The following TTC17 variants were observed in gnomAD, a reference collection of about 807,000 sequenced individuals.
TTC17 encodes tetratricopeptide repeat protein 17.
Under a neutral mutation model 143.8 loss-of-function variants are expected in TTC17, and 58 were observed. The observed-to-expected ratio is 0.40, with a 90% CI of 0.33 to 0.50. The LOEUF (loss-of-function observed/expected upper bound fraction) is 0.50, where lower values mean the gene tolerates loss of function less well. Among genes scored for constraint, TTC17 ranks in the 20% least tolerant of loss-of-function variants. The pLI is 0.49. For synonymous variants in TTC17, 501 were observed against 497.8 expected (o/e 1.01, Z -0.09); for missense variants, 1,273 against 1,392.5 (o/e 0.91, Z 1.37).
At chr11:43,435,527 A>C (rs1048323759) in intron 16 of TTC17, 2 of 152,234 alleles carry the variant, frequency 1.3e-5, no homozygotes, top group Non-Finnish European at 2.9e-5. Context: ...TTTGACTCAC[A>C]GGTAAAAGTC....
intron 2 of TTC17, among the ~76,000 whole-genome samples, chr11:43,384,232 C>A (rs181857328): frequency 8.9e-4 from 136 of 151,982 alleles, no homozygotes; most frequent in Admixed American, 1.8e-3. Context: ...GAAAAAGTAT[C>A]TACTATGCAA....
At chr11:43,385,260 C>T (rs1242617515) in intron 2 of TTC17, among the ~76,000 whole-genome samples, 1 of 151,974 alleles carries the variant, frequency 6.6e-6, no homozygotes, top group Admixed American at 6.6e-5. Flanking sequence ...CTAAATTGAA[C>T]GAAGATAACA....
At chr11:43,380,614 C>T (rs552963924) in intron 2 of TTC17, among the ~76,000 whole-genome samples, 3 of 152,226 alleles carry the variant, frequency 2.0e-5, no homozygotes, top group African/African-American at 4.8e-5. Flanking sequence ...GTAAAAGTCC[C>T]GAATTTCATT....
chr11:43,491,992 C>G, intron 22 of TTC17, 28 bp from the exon 23 acceptor site: 1 of 1,609,860 alleles, frequency 6.2e-7, no homozygotes, highest in Non-Finnish European at 8.5e-7. Flanking sequence ...CCAATTTTCC[C>G]TTCTCACCAT....
intron 21 of TTC17, among the ~76,000 whole-genome samples, chr11:43,464,524 A>T (rs1055885581): frequency 3.9e-5 from 6 of 152,182 alleles, no homozygotes; most frequent in Admixed American, 1.3e-4. Flanking sequence ...AGGCGCAATG[A>T]ACAAAATGAA....
chr11:43,488,421 G>A (rs958836679), intron 21 of TTC17, among the ~76,000 whole-genome samples: 2 of 151,470 alleles, frequency 1.3e-5, no homozygotes, highest in Admixed American at 6.6e-5. Context: ...AAAATCCAAA[G>A]TTAGACCTAA....
At chr11:43,418,434 C>T (rs936533124) in intron 16 of TTC17, among the ~76,000 whole-genome samples, 1 of 152,112 alleles carries the variant, frequency 6.6e-6, no homozygotes, top group Non-Finnish European at 1.5e-5. Context: ...GATTAAACAT[C>T]TTGTTTGGGC....
At chr11:43,435,059 C>G (rs978935036) in intron 16 of TTC17, 1 of 149,862 alleles carries the variant, frequency 6.7e-6, no homozygotes, top group East Asian at 2.0e-4. Flanking sequence ...TTTGGTGAAT[C>G]TGTACACACA....
At chr11:43,412,911 G>C (rs547583496) in intron 15 of TTC17, among the ~76,000 whole-genome samples, 3 of 151,440 alleles carry the variant, frequency 2.0e-5, no homozygotes, top group African/African-American at 7.3e-5. Flanking sequence ...CAAACACCTA[G>C]TAATTGCATA....
intron 18 of TTC17, chr11:43,445,891 A>G: frequency 2.2e-6 from 2 of 904,936 alleles, no homozygotes; most frequent in Non-Finnish European, 3.5e-6. Flanking sequence ...CTAAGAACTA[A>G]TAATAATGCT....
rs140466863 is a variant in TTC17 at position 43,421,235 on chromosome 11, A to G, written c.2251+6459A>G. On this transcript the variant is annotated intron_variant, in intron 16 of 23. Coordinates refer to ENST00000039989, the MANE Select transcript of TTC17 (RefSeq NM_018259.6). The stretch of plus-strand genomic sequence containing the variant: ...TGAGGAAGGATAGAGGTTCTAAGCC[A>G]TGCAGATATACAGCATAAAAGCATT... Among the ~76,000 whole-genome samples, 40 of 152,316 alleles carry G rather than the reference A, an allele frequency of 2.6e-4. No homozygotes were observed. In the Middle Eastern group the frequency reaches 0.01, roughly 39 times the overall value.
intron 20 of TTC17, 37 bp downstream of exon 20, chr11:43,450,278 T>A: frequency 6.3e-7 from 1 of 1,593,666 alleles, no homozygotes. Context: ...TTTTTTAGCC[T>A]CACAGTTAGG....
chr11:43,385,094 A>G (rs1857121226), intron 2 of TTC17, among the ~76,000 whole-genome samples: 1 of 152,206 alleles, frequency 6.6e-6, no homozygotes, highest in African/African-American at 2.4e-5. Context: ...TGAAAAGTCA[A>G]CCAGAGGAAG....
In TTC17 at chr11:43,397,420, G is replaced by T; in HGVS notation, c.847G>T (p.Val283Phe). Reference sequence around the variant, plus strand: ...AGCACACTTCTCTGCTGATGCTGCTGTCGTGGTCCATGCAGCTCTGGATGA... The same window carrying T: ...AGCACACTTCTCTGCTGATGCTGCTTTCGTGGTCCATGCAGCTCTGGATGA... ...HRAHFSADAA[V>F]VVHAALDDSD... The change falls in exon 7 of 24, where the codon GTC becomes TTC. Residue 283 changes from valine (V) to phenylalanine (F), a missense_variant. This residue lies in a region of TTC17 where 325 missense variants were observed against 444.2 expected (regional missense o/e 0.73). Transcript: ENST00000039989. 6.2e-7 allele frequency: 1 copy of T among 1,613,532 alleles called. No individual in the cohort carries two copies. The highest frequency in any genetic ancestry group is 8.5e-7 in the Non-Finnish European group (1 of 1,179,978).
intron 16 of TTC17, among the ~76,000 whole-genome samples, chr11:43,442,420 T>G (rs1439548481): frequency 1.3e-5 from 2 of 152,154 alleles, no homozygotes; most frequent in Admixed American, 6.5e-5. Flanking sequence ...AAGGAGACAT[T>G]TTGTTATTTG....
At position 43,407,647 on chromosome 11, in the gene TTC17, A is replaced by C. The variant is rs1858206744; in HGVS notation, c.2064+70A>C. 4.3e-6 allele frequency: 6 copies of C among 1,401,188 alleles called. No individual in the cohort carries two copies. In the South Asian group the frequency reaches 7.7e-5, roughly 18 times the overall value. 86.8% of individuals were successfully genotyped at this position (1,401,188 alleles called of 1,614,324 possible). On this transcript the variant is annotated intron_variant, in intron 15 of 23. Coordinates refer to ENST00000039989, the MANE Select transcript of TTC17 (RefSeq NM_018259.6). ...AACTCAAATTTAGATTACAATTTGT[A>C]TTTTTCTAGGGAAAGCATAAAAAAT...
chr11:43,369,397 C>A (rs1375237024), intron 1 of TTC17, among the ~76,000 whole-genome samples: 1 of 152,072 alleles, frequency 6.6e-6, no homozygotes, highest in Non-Finnish European at 1.5e-5. Context: ...TGTAAATTTA[C>A]AGCTGTAAGG....
chr11:43,372,481 T>TA (rs2134456534), intron 1 of TTC17, among the ~76,000 whole-genome samples: 2 of 144,774 alleles, frequency 1.4e-5, no homozygotes, highest in African/African-American at 5.5e-5. Context: ...TTATTTTTAT[T>TA]TTTTATTTAT....
intron 23 of TTC17, among the ~76,000 whole-genome samples, chr11:43,492,591 TG>T (rs1369969684): frequency 2.6e-5 from 4 of 152,240 alleles, no homozygotes; most frequent in Non-Finnish European, 4.4e-5. Flanking sequence ...TATAATTTTT[TG>T]TTTAAGTATT....
Sources: gnomAD v4.1 joint callset for allele counts (sites outside exome capture counted in the v4.1 genomes callset) on GRCh38, gnomAD v4.1.1 for gene constraint, gnomAD v4.1.1 regional missense constraint, MANE v1.5 for transcripts, NCBI Gene and HGNC (gene_info 2026-07-23, HGNC 2026-07-21) for gene names.